PCDHA11: variants seen among roughly 807,000 people sequenced by gnomAD.
PCDHA11 encodes protocadherin alpha-11.
PCDHA11 carries 61 observed loss-of-function variants against 70.3 expected under a neutral mutation model. The observed-to-expected ratio is 0.87, with a 90% CI of 0.71 to 1.07. The LOEUF (loss-of-function observed/expected upper bound fraction) is 1.07, where lower values mean the gene tolerates loss of function less well. Among genes scored for constraint, PCDHA11 ranks in the 50% least tolerant of loss-of-function variants. The pLI, the probability that PCDHA11 is intolerant of heterozygous loss-of-function variation, is 0.00. For synonymous variants in PCDHA11, 633 were observed against 555.1 expected (o/e 1.14, Z -1.97); for missense variants, 1,324 against 1,237.5 (o/e 1.07, Z -1.05).
chr5:140,915,324 T>G (rs782080439), intron 1 of PCDHA11, among the ~76,000 whole-genome samples: 1 of 152,210 alleles, frequency 6.6e-6, no homozygotes, highest in Non-Finnish European at 1.5e-5. Flanking sequence ...ATTACAGTGT[T>G]ATAATATTCT....
chr5:140,889,720 T>C (rs1259294888), intron 1 of PCDHA11, among the ~76,000 whole-genome samples: 1 of 152,240 alleles, frequency 6.6e-6, no homozygotes, highest in African/African-American at 2.4e-5. Context: ...TCTTTGCTAC[T>C]GTCTCACTGA....
At position 140,870,860 on chromosome 5, in the gene PCDHA11, C is replaced by A. The variant is rs782404408; in HGVS notation, c.1757C>A (p.Ala586Glu). The change falls in exon 1 of 4, where the codon GCG becomes GAG. Residue 586 changes from alanine to glutamate, a missense_variant. Physicochemically the swap from Ala to Glu is moderately radical, Grantham distance 107. Coordinates refer to ENST00000398640, the MANE Select transcript of PCDHA11 (RefSeq NM_018902.5). ...AAGCTAGTACCGCGGTCGGTGGGTG[C>A]GGGCCACGTGGTGGCGAAGGTGCGC... ...VNKLVPRSVGAGHVVAKVRAV... is the reference protein window; with the variant it reads ...VNKLVPRSVGEGHVVAKVRAV... 6 of 1,613,882 alleles carry A rather than the reference C, an allele frequency of 3.7e-6. No individual in the cohort carries two copies. The highest frequency in any genetic ancestry group is 2.5e-6 in the Non-Finnish European group (3 of 1,179,908).
intron 1 of PCDHA11, among the ~76,000 whole-genome samples, chr5:140,972,921 C>A (rs2096564401): frequency 6.6e-6 from 1 of 152,090 alleles, no homozygotes; most frequent in Non-Finnish European, 1.5e-5. Context: ...CTTGGCCTCC[C>A]AAAGTGCTGG....
intron 1 of PCDHA11, chr5:140,927,671 C>T (rs2084485955): frequency 6.2e-7 from 1 of 1,614,198 alleles, no homozygotes; most frequent in Non-Finnish European, 8.5e-7. Context: ...GCCTTGGATC[C>T]AGATGAAGGG....
At chr5:140,920,474 GT>G (rs1407391996) in intron 1 of PCDHA11, among the ~76,000 whole-genome samples, 1 of 152,008 alleles carries the variant, frequency 6.6e-6, no homozygotes, top group Non-Finnish European at 1.5e-5. Flanking sequence ...ATTTCTGTAT[GT>G]TTTTGGTCCA....
chr5:140,893,106 C>T (rs1226663436), intron 1 of PCDHA11, among the ~76,000 whole-genome samples: 3 of 152,170 alleles, frequency 2.0e-5, no homozygotes, highest in African/African-American at 4.8e-5. Flanking sequence ...GATAATATTC[C>T]GTTGTGCATA....
rs923843539 is a variant in PCDHA11 at position 140,869,880 on chromosome 5, T to C, written c.777T>C (p.Thr259=). The part of the protein sequence containing the change: ...VSLMENAAKE[T]LVLKLNATDR... Reference sequence around the variant, plus strand: ...TTATGGAAAATGCTGCTAAAGAAACTCTTGTGCTCAAACTAAACGCCACAG... The same window carrying C: ...TTATGGAAAATGCTGCTAAAGAAACCCTTGTGCTCAAACTAAACGCCACAG... The change falls in exon 1 of 4, where the codon ACT becomes ACC. Residue 259 remains threonine, a synonymous_variant. Transcript: ENST00000398640. 12 of 1,610,162 alleles carry C rather than the reference T, an allele frequency of 7.5e-6. No individual in the cohort carries two copies. Among genetic ancestry groups the C allele is most frequent in the South Asian group, 3.3e-5 (3 of 90,562 alleles).
At chr5:140,911,775 C>T (rs1341124275) in intron 1 of PCDHA11, among the ~76,000 whole-genome samples, 1 of 152,096 alleles carries the variant, frequency 6.6e-6, no homozygotes, top group African/African-American at 2.4e-5. Context: ...AAGTACAGTC[C>T]TTAGCATTTT....
At chr5:140,989,007 A>C (rs1356295875) in intron 3 of PCDHA11, 1 of 152,216 alleles carries the variant, frequency 6.6e-6, no homozygotes, top group Non-Finnish European at 1.5e-5. Flanking sequence ...ATAGAGACTT[A>C]TTATAGTTTC....
intron 1 of PCDHA11, chr5:140,967,632 A>G (rs371201664): frequency 1.9e-5 from 31 of 1,614,028 alleles, no homozygotes; most frequent in Admixed American, 1.7e-4. Context: ...GAGGGCTCCA[A>G]TGGTGAGCTC....
chr5:140,988,009 A>C (rs1223658003), intron 3 of PCDHA11, among the ~76,000 whole-genome samples: 3 of 152,204 alleles, frequency 2.0e-5, no homozygotes, highest in Non-Finnish European at 4.4e-5. Context: ...CCCCAGAAAG[A>C]AAGCATGATT....
intron 3 of PCDHA11, among the ~76,000 whole-genome samples, chr5:141,004,307 A>G (rs924420604): frequency 6.6e-6 from 1 of 152,224 alleles, no homozygotes; most frequent in Admixed American, 6.5e-5. Context: ...TTTGTTTTAT[A>G]CAACAACCAG....
At chr5:140,942,364 A>AT (rs1401660324) in intron 1 of PCDHA11, among the ~76,000 whole-genome samples, 1 of 152,040 alleles carries the variant, frequency 6.6e-6, no homozygotes, top group Non-Finnish European at 1.5e-5. Context: ...GTTAACGGAG[A>AT]TTGCACCACT....
In PCDHA11 at chr5:140,972,962, A is replaced by G. The variant is rs550755148; in HGVS notation, c.2392-5987A>G. Among the ~76,000 whole-genome samples the G allele has an allele frequency of 1.5e-3, 231 of 152,144 alleles. 1 individual carries two copies. The highest frequency in any genetic ancestry group is 2.9e-3 in the Non-Finnish European group (194 of 67,976). ...CAGATGTGAGCCACCATGCCCGGCA[A>G]AGGAAACCAAATCTTAAGGTAGATT... On this transcript the variant is annotated intron_variant, in intron 1 of 3. Transcript: ENST00000398640.
intron 1 of PCDHA11, among the ~76,000 whole-genome samples, chr5:140,937,697 G>A (rs2091687536): frequency 6.6e-6 from 1 of 151,910 alleles, no homozygotes; most frequent in Non-Finnish European, 1.5e-5. Flanking sequence ...CGGATCACGA[G>A]GTCAGGAGAT....
chr5:140,869,396 A>C lies in PCDHA11; in HGVS notation c.293A>C (p.Gln98Pro), dbSNP rs782754440. Reference protein sequence around the residue: ...SRIDREELCGQSAECSIHLEV... With the variant: ...SRIDREELCGPSAECSIHLEV... ...ATCGACCGCGAGGAGCTGTGCGGGC[A>C]GAGCGCGGAGTGCAGCATCCACCTG... The change falls in exon 1 of 4, where the codon CAG becomes CCG. Residue 98 changes from glutamine to proline, a missense_variant. Coordinates refer to ENST00000398640, the MANE Select transcript of PCDHA11 (RefSeq NM_018902.5). 1.1e-5 allele frequency: 18 copies of C among 1,614,242 alleles called. No homozygotes were observed. Among genetic ancestry groups the C allele is most frequent in the East Asian group, 2.2e-5 (1 of 44,882 alleles).
chr5:140,924,909 AATAAAAT>A (rs1563069072), intron 1 of PCDHA11, among the ~76,000 whole-genome samples: 5 of 66,374 alleles, frequency 7.5e-5, no homozygotes, highest in African/African-American at 2.5e-4. Context: ...AAAAAAATAA[AATAAAAT>A]AAAATAAAAT....
rs139214405 is a variant in PCDHA11, at chr5:140,927,269, C to A, written c.2392-51680C>A. The A allele has an allele frequency of 2.4e-5, 38 of 1,614,024 alleles. No individual in the cohort carries two copies. In the African/African-American group the frequency reaches 3.9e-4, roughly 16 times the overall value. On this transcript the variant is annotated intron_variant, in intron 1 of 3. Transcript: ENST00000398640. ...AATGACAACTCACCTCTCTTTCCTG[C>A]CGGCGACGTGCAGCTGCACATCCCC...
intron 1 of PCDHA11, chr5:140,928,859 T>G (rs782758888): frequency 1.2e-6 from 2 of 1,614,176 alleles, no homozygotes; most frequent in Non-Finnish European, 1.7e-6. Flanking sequence ...GGTGTGCTGT[T>G]GAGCAACTCT....
Sources: allele counts gnomAD v4.1 joint callset (sites outside exome capture counted in the v4.1 genomes callset), GRCh38; gene constraint gnomAD v4.1.1; transcripts MANE v1.5; gene names NCBI Gene and HGNC (gene_info 2026-07-23, HGNC 2026-07-21).